TENM2: variants seen among roughly 807,000 people sequenced by gnomAD.
TENM2 encodes the protein teneurin-2.
Under a neutral mutation model 245.2 loss-of-function variants are expected in TENM2, and 52 were observed. That is an observed-to-expected ratio of 0.21 (90% CI 0.17 to 0.27). TENM2 has a LOEUF of 0.27. TENM2 is among the 10% of genes least tolerant of loss of function. The pLI, the probability that TENM2 is intolerant of heterozygous loss-of-function variation, is 1.00. For synonymous variants in TENM2, 1,363 were observed against 1,438.9 expected (o/e 0.95, Z 1.19); for missense variants, 3,046 against 3,666.8 (o/e 0.83, Z 4.37).
intron 2 of TENM2, among the ~76,000 whole-genome samples, chr5:167,823,344 G>C (rs1767693146): frequency 6.6e-6 from 1 of 152,064 alleles, no homozygotes; most frequent in Non-Finnish European, 1.5e-5. Context: ...GCATGCATGT[G>C]TGTGTGCATA....
intron 2 of TENM2, among the ~76,000 whole-genome samples, chr5:167,818,499 C>T (rs999494597): frequency 1.3e-5 from 2 of 152,104 alleles, no homozygotes; most frequent in African/African-American, 4.8e-5. Flanking sequence ...ACTGAATCCT[C>T]GAAAATAATA....
rs144362860 is a variant in TENM2 at position 168,177,585 on chromosome 5, C to T, written c.2570-12752C>T. On this transcript the variant is annotated intron_variant, in intron 13 of 28. Coordinates refer to ENST00000518659, the Ensembl canonical transcript of TENM2. ...GGCACAATGGCTCATGCCTGTAATC[C>T]CAGCACTTTGGGAGGCTGAGGCAGG... Among the ~76,000 whole-genome samples the T allele has an allele frequency of 4.8e-3, 733 of 152,274 alleles. 3 individuals carry two copies. Among genetic ancestry groups the T allele is most frequent in the African/African-American group, 0.017 (700 of 41,542 alleles).
the TENM2 span, among the ~76,000 whole-genome samples, chr5:167,107,404 G>C: frequency 1.3e-5 from 2 of 152,162 alleles, no homozygotes; most frequent in Admixed American, 1.3e-4. Flanking sequence ...GTGACTATAG[G>C]ATCAATAAAC....
At chr5:167,418,630 T>C (rs531961422) in intron 2 of TENM2, among the ~76,000 whole-genome samples, 15 of 152,286 alleles carry the variant, frequency 9.8e-5, no homozygotes, top group Admixed American at 8.5e-4. Flanking sequence ...CAGGAAGATA[T>C]GGAGATTTGC....
At chr5:167,134,954 G>C in the TENM2 span, among the ~76,000 whole-genome samples, 3 of 152,308 alleles carry the variant, frequency 2.0e-5, no homozygotes, top group Admixed American at 1.3e-4. Context: ...TATTGTTAAC[G>C]ATGGTATATT....
At chr5:167,001,145 C>G in the TENM2 span, among the ~76,000 whole-genome samples, 1 of 152,020 alleles carries the variant, frequency 6.6e-6, no homozygotes, top group Admixed American at 6.6e-5. Context: ...TAACTGAAAA[C>G]CCTCCTGACT....
intron 2 of TENM2, among the ~76,000 whole-genome samples, chr5:167,863,574 G>A (rs188919067): frequency 5.3e-4 from 81 of 152,294 alleles, no homozygotes; most frequent in African/African-American, 1.9e-3. Context: ...AACCTGGGAG[G>A]TGGAGGTTGC....
chr5:167,938,011 T>C (rs1778868517), intron 3 of TENM2: 1 of 152,310 alleles, frequency 6.6e-6, no homozygotes, highest in Non-Finnish European at 1.5e-5. Context: ...GAATTCTGAC[T>C]CTGAACCTTG....
the TENM2 span, among the ~76,000 whole-genome samples, chr5:167,118,429 G>A: frequency 6.6e-6 from 1 of 152,086 alleles, no homozygotes; most frequent in Admixed American, 6.5e-5. Flanking sequence ...CCTCTAAAGT[G>A]GCAGAGAACA....
chr5:168,244,360 A>G lies in TENM2; in HGVS notation c.5521-60A>G. On this transcript the variant is annotated intron_variant, in intron 25 of 28. Coordinates refer to ENST00000518659, the Ensembl canonical transcript of TENM2. This position sits in a 1 kb window ranked among gnomAD's most constrained non-coding sequence, Gnocchi z 4.9. The stretch of plus-strand genomic sequence containing the variant: ...GCCATGCCAGCCATGTCCTCCACAG[A>G]AGCCTGAGCCGGCATGCCTGGGTGA... 7.3e-7 allele frequency: 1 copy of G among 1,373,130 alleles called. No individual in the cohort carries two copies. The highest frequency in any genetic ancestry group is 9.7e-7 in the Non-Finnish European group (1 of 1,035,318). 85.1% of individuals were successfully genotyped at this position (1,373,130 alleles called of 1,614,324 possible).
chr5:167,022,356 T>C, the TENM2 span, among the ~76,000 whole-genome samples: 7 of 152,336 alleles, frequency 4.6e-5, no homozygotes, highest in Middle Eastern at 3.4e-3. Flanking sequence ...CAAATTATGA[T>C]AGCCAGTTAC....
chr5:167,451,337 AGT>A (rs1765570642), intron 2 of TENM2, among the ~76,000 whole-genome samples: 2 of 152,192 alleles, frequency 1.3e-5, no homozygotes, highest in African/African-American at 4.8e-5. Flanking sequence ...ATGACTAGAC[AGT>A]GTGGTGCTGG....
the TENM2 span, among the ~76,000 whole-genome samples, chr5:167,002,419 G>C: frequency 6.6e-6 from 1 of 152,104 alleles, no homozygotes; most frequent in East Asian, 1.9e-4. Flanking sequence ...TGTCTCCAAA[G>C]ATAAAAGTCT....
the TENM2 span, among the ~76,000 whole-genome samples, chr5:167,210,512 G>A: frequency 3.4e-5 from 5 of 145,054 alleles, no homozygotes; most frequent in South Asian, 2.2e-4. Flanking sequence ...GCCGGACTGC[G>A]GACTGCAGTG....
chr5:167,496,284 T>G (rs1369799014), intron 2 of TENM2, among the ~76,000 whole-genome samples: 2 of 152,120 alleles, frequency 1.3e-5, no homozygotes, highest in Non-Finnish European at 2.9e-5. Context: ...CTGGTAGCTT[T>G]AGAAGATTGC....
intron 2 of TENM2, among the ~76,000 whole-genome samples, chr5:167,761,605 G>A (rs1346966764): frequency 6.6e-6 from 1 of 152,180 alleles, no homozygotes; most frequent in Admixed American, 6.6e-5. Context: ...CATTGTTTTA[G>A]TTTTGAATTA....
At chr5:167,207,748 T>C in the TENM2 span, among the ~76,000 whole-genome samples, 1 of 151,974 alleles carries the variant, frequency 6.6e-6, no homozygotes, top group Admixed American at 6.6e-5. Flanking sequence ...CTACTGAGGG[T>C]ATATTCTCTT....
chr5:167,115,401 G>A, the TENM2 span, among the ~76,000 whole-genome samples: 1 of 152,176 alleles, frequency 6.6e-6, no homozygotes, highest in African/African-American at 2.4e-5. Flanking sequence ...ACGAAGGGCT[G>A]CATTTTCCCC....
chr5:167,454,917 G>C (rs1765821082), intron 2 of TENM2, among the ~76,000 whole-genome samples: 1 of 152,156 alleles, frequency 6.6e-6, no homozygotes. Context: ...GACTAAACCA[G>C]GGCAAGGGAT....
Sources: gnomAD v4.1 joint callset for allele counts (sites outside exome capture counted in the v4.1 genomes callset) on GRCh38, gnomAD v4.1.1 for gene constraint, Gnocchi (gnomAD v3.1) non-coding constraint, MANE v1.5 for transcripts, NCBI Gene and HGNC (gene_info 2026-07-23, HGNC 2026-07-21) for gene names.